Variants in NOVA1 observed in about 807,000 individuals in gnomAD.
NOVA1 encodes NOVA alternative splicing regulator 1.
In NOVA1, 7 loss-of-function variants were observed where a neutral mutation model predicts 38.0. The observed-to-expected ratio is 0.18, with a 90% CI of 0.10 to 0.35. The LOEUF (loss-of-function observed/expected upper bound fraction) is 0.35, where lower values mean the gene tolerates loss of function less well. NOVA1 is among the 10% of genes least tolerant of loss of function. The probability of loss-of-function intolerance (pLI) is 1.00; values close to 1 mark genes in which losing one functional copy is unlikely to be tolerated. For synonymous variants in NOVA1, 270 were observed against 232.5 expected (o/e 1.16, Z -1.47); for missense variants, 460 against 616.0 (o/e 0.75, Z 2.68).
At chr14:26,547,960 A>G (rs1020042865) in intron 2 of NOVA1, among the ~76,000 whole-genome samples, 11 of 152,224 alleles carry the variant, frequency 7.2e-5, no homozygotes, top group Admixed American at 6.5e-4. Context: ...ATTTCCACTC[A>G]GTGTAAGTAA....
chr14:26,481,921 C>A (rs1355461707), intron 2 of NOVA1, among the ~76,000 whole-genome samples: 2 of 138,772 alleles, frequency 1.4e-5, no homozygotes, highest in Non-Finnish European at 3.0e-5. Flanking sequence ...AGATTACATT[C>A]TTGTTTTTGG....
At chr14:26,519,519 T>C (rs954281833) in intron 2 of NOVA1, 7 of 152,148 alleles carry the variant, frequency 4.6e-5, no homozygotes, top group African/African-American at 1.7e-4. Context: ...AGTGATGCCA[T>C]GTAAATTTGT....
chr14:26,470,398 A>G, intron 4 of NOVA1: 1 of 1,519,776 alleles, frequency 6.6e-7, no homozygotes, highest in Non-Finnish European at 9.1e-7. Context: ...ATAATATGAA[A>G]GATTGATGAT....
intron 2 of NOVA1, among the ~76,000 whole-genome samples, chr14:26,515,085 A>G (rs1384774441): frequency 6.6e-6 from 1 of 151,998 alleles, no homozygotes; most frequent in Non-Finnish European, 1.5e-5. Context: ...ATGGCCAACA[A>G]AGAACAAAAG....
intron 2 of NOVA1, among the ~76,000 whole-genome samples, chr14:26,555,691 T>C (rs180795736): frequency 6.6e-6 from 1 of 152,214 alleles, no homozygotes; most frequent in East Asian, 1.9e-4. Flanking sequence ...TCACTGTTAG[T>C]TAATAATATC....
chr14:26,463,401 T>A (rs1883859856), intron 4 of NOVA1, among the ~76,000 whole-genome samples: 1 of 152,200 alleles, frequency 6.6e-6, no homozygotes, highest in South Asian at 2.1e-4. Flanking sequence ...GTCTATCTGA[T>A]ATAAAGTAGT....
rs1350885995 is a variant in NOVA1 at position 26,597,749 on chromosome 14, G to A, written c.-313C>T. 8 of 1,013,294 alleles carry A rather than the reference G, an allele frequency of 7.9e-6. No individual in the cohort carries two copies. The African/African-American group carries it at 1.4e-4, about 17-fold the overall frequency. 62.8% of individuals were successfully genotyped at this position (1,013,294 alleles called of 1,614,324 possible). A position where few individuals can be genotyped will look rare whatever the true frequency, so the allele number is the denominator to read the frequency against. On this transcript the variant is annotated 5_prime_UTR_variant, in exon 1 of 5. Coordinates refer to ENST00000539517, the MANE Select transcript of NOVA1 (RefSeq NM_002515.3). ...GAGACAGGGGGAGAGAGTGGAGAAG[G>A]GAGAGGGGCGAGTGAATGAGCGGGA...
At chr14:26,585,539 T>C (rs1386501805) in intron 2 of NOVA1, among the ~76,000 whole-genome samples, 2 of 151,344 alleles carry the variant, frequency 1.3e-5, no homozygotes, top group Non-Finnish European at 3.0e-5. Flanking sequence ...ATTTGATGGT[T>C]AGTACTCAAG....
chr14:26,492,619 C>T (rs1886429087), intron 2 of NOVA1, among the ~76,000 whole-genome samples: 1 of 152,138 alleles, frequency 6.6e-6, no homozygotes, highest in African/African-American at 2.4e-5. Context: ...TTTTCCAGCG[C>T]ATTAAAGCTA....
intron 2 of NOVA1, among the ~76,000 whole-genome samples, chr14:26,562,304 T>C (rs893890582): frequency 7.2e-5 from 11 of 152,172 alleles, no homozygotes; most frequent in African/African-American, 2.7e-4. Flanking sequence ...TCCTCATTTG[T>C]ATAATAAGGA....
chr14:26,516,323 T>C (rs1888458155), intron 2 of NOVA1, among the ~76,000 whole-genome samples: 1 of 152,230 alleles, frequency 6.6e-6, no homozygotes, highest in Non-Finnish European at 1.5e-5. Context: ...GTCTATTCAC[T>C]GTTAATGGTG....
Position 26,502,419 on chromosome 14 carries a change from AT to A in NOVA1, c.281-22277del, listed in dbSNP as rs549140163. ...ATAGTAAATTTAAAAATATAAATCC[AT>A]TTTTTACTGTTTTTCATTGTATTTA... is the stretch of plus-strand genomic sequence containing the variant. On this transcript the variant is annotated intron_variant, in intron 2 of 4. Coordinates refer to ENST00000539517, the MANE Select transcript of NOVA1 (RefSeq NM_002515.3). 1.5e-3 allele frequency among the ~76,000 whole-genome samples: 230 copies of A among 151,972 alleles called. 1 individual carries two copies. The highest frequency in any genetic ancestry group is 2.8e-3 in the Non-Finnish European group (191 of 67,846).
At chr14:26,512,829 C>T (rs1888199181) in intron 2 of NOVA1, among the ~76,000 whole-genome samples, 1 of 29,038 alleles carries the variant, frequency 3.4e-5, no homozygotes, top group South Asian at 5.6e-3. Flanking sequence ...TTCCAATTTA[C>T]ATATCATAAG....
At chr14:26,585,635 T>C (rs1307194231) in intron 2 of NOVA1, among the ~76,000 whole-genome samples, 1 of 151,266 alleles carries the variant, frequency 6.6e-6, no homozygotes, top group African/African-American at 2.4e-5. Context: ...TATAAAATCT[T>C]GTAATATATA....
chr14:26,468,586 AGAG>A (rs1281104111), intron 4 of NOVA1, among the ~76,000 whole-genome samples: 2 of 152,210 alleles, frequency 1.3e-5, no homozygotes, highest in African/African-American at 2.4e-5. Flanking sequence ...GATTGAAAAG[AGAG>A]GAGAGGTTGT....
At chr14:26,527,784 G>A (rs912470238) in intron 2 of NOVA1, among the ~76,000 whole-genome samples, 18 of 152,108 alleles carry the variant, frequency 1.2e-4, no homozygotes, top group African/African-American at 4.3e-4. Flanking sequence ...CACACATGTC[G>A]ATTTCTCAAA....
chr14:26,531,484 G>A (rs1051682374), intron 2 of NOVA1, among the ~76,000 whole-genome samples: 5 of 152,146 alleles, frequency 3.3e-5, no homozygotes, highest in Non-Finnish European at 7.3e-5. Flanking sequence ...GCACATGCCT[G>A]TAATCCCAGC....
intron 2 of NOVA1, among the ~76,000 whole-genome samples, chr14:26,529,159 A>G (rs1889518946): frequency 6.6e-6 from 1 of 150,784 alleles, no homozygotes; most frequent in South Asian, 2.1e-4. Flanking sequence ...TTCTTTTTAG[A>G]CAGAATCTCG....
chr14:26,456,565 A>T (rs1004105280), intron 4 of NOVA1, among the ~76,000 whole-genome samples: 1 of 152,038 alleles, frequency 6.6e-6, no homozygotes, highest in African/African-American at 2.4e-5. Context: ...TCATCAAGTA[A>T]AAAATAAACC....
Sources: gnomAD v4.1 joint callset for allele counts (sites outside exome capture counted in the v4.1 genomes callset) on GRCh38, gnomAD v4.1.1 for gene constraint, MANE v1.5 for transcripts, NCBI Gene and HGNC (gene_info 2026-07-23, HGNC 2026-07-21) for gene names.